The following PTPRN2 variants were observed in gnomAD, a reference collection of about 807,000 sequenced individuals.
The protein encoded by PTPRN2 is receptor-type tyrosine-protein phosphatase N2.
In PTPRN2, 74 loss-of-function variants were observed where a neutral mutation model predicts 118.8. The observed-to-expected ratio is 0.62, with a 90% CI of 0.52 to 0.76. The LOEUF (loss-of-function observed/expected upper bound fraction) is 0.76. PTPRN2 is among the 30% of genes least tolerant of loss of function. PTPRN2 has a pLI of 0.00. For missense variants in PTPRN2, 1,481 were observed against 1,394.4 expected (o/e 1.06, Z -0.99); for synonymous variants, 641 against 608.0 (o/e 1.05, Z -0.80).
At chr7:158,288,195 A>T (rs1048427151) in intron 3 of PTPRN2, among the ~76,000 whole-genome samples, 2 of 152,060 alleles carry the variant, frequency 1.3e-5, no homozygotes, top group African/African-American at 4.8e-5. Context: ...AAGTGAAGGG[A>T]ATCTCTTGTA....
intron 2 of PTPRN2, among the ~76,000 whole-genome samples, chr7:158,327,492 TG>T (rs1803738090): frequency 6.6e-6 from 1 of 151,744 alleles, no homozygotes; most frequent in Non-Finnish European, 1.5e-5. Flanking sequence ...CATTCTCACA[TG>T]CACAAGTTCT....
intron 2 of PTPRN2, among the ~76,000 whole-genome samples, chr7:158,417,286 T>C (rs1197193856): frequency 1.3e-5 from 2 of 151,772 alleles, no homozygotes; most frequent in Non-Finnish European, 2.9e-5. Context: ...ATGCTGAAGC[T>C]TTCAGTGTCC....
intron 11 of PTPRN2, among the ~76,000 whole-genome samples, chr7:157,952,219 C>T (rs1390179947): frequency 2.0e-5 from 3 of 152,180 alleles, no homozygotes; most frequent in African/African-American, 7.2e-5. Context: ...CTAGCCTCGC[C>T]AGACGCGGGC....
intron 15 of PTPRN2, among the ~76,000 whole-genome samples, chr7:157,606,479 G>A (rs1802010026): frequency 6.6e-6 from 1 of 152,378 alleles, no homozygotes; most frequent in Non-Finnish European, 1.5e-5. Context: ...AAATCTGGAA[G>A]CAACAACATC....
In PTPRN2 at chr7:157,615,462, C is replaced by A. The variant is rs545943446; in HGVS notation, c.2344+5900G>T. ...AGGAGGTGTTTAGCCCCGAGCCTCACGTGGAAACATCTGATGAGCCTTTGC... is the reference window on the plus strand; with the variant it reads ...AGGAGGTGTTTAGCCCCGAGCCTCAAGTGGAAACATCTGATGAGCCTTTGC... On this transcript the variant is annotated intron_variant, in intron 15 of 22. Transcript: ENST00000389418. The surrounding 1 kb of genome is among the most constrained non-coding windows in gnomAD (Gnocchi z 4.3). 269 of 471,200 alleles carry A rather than the reference C, an allele frequency of 5.7e-4. 1 individual carries two copies. Among genetic ancestry groups the A allele is most frequent in the African/African-American group, 5.1e-3 (254 of 50,200 alleles). The allele number at this position is 471,200 out of a possible 1,614,324, so 29.2% of individuals were successfully genotyped here.
At chr7:158,568,496 T>G (rs1827793170) in intron 1 of PTPRN2, among the ~76,000 whole-genome samples, 1 of 152,132 alleles carries the variant, frequency 6.6e-6, no homozygotes, top group Non-Finnish European at 1.5e-5. Context: ...ATTTTCTTTT[T>G]TTGAACTACT....
intron 2 of PTPRN2, among the ~76,000 whole-genome samples, chr7:158,372,095 C>T (rs1810042972): frequency 6.6e-6 from 1 of 152,202 alleles, no homozygotes; most frequent in Non-Finnish European, 1.5e-5. Context: ...CTGAGCACTG[C>T]AGGCACAGAG....
chr7:158,299,169 A>C (rs892548863), intron 3 of PTPRN2, among the ~76,000 whole-genome samples: 8 of 152,188 alleles, frequency 5.3e-5, no homozygotes, highest in African/African-American at 1.9e-4. Flanking sequence ...CCCACCCAAG[A>C]CTGGCATATT....
At chr7:157,841,030 G>A (rs577105518) in intron 12 of PTPRN2, among the ~76,000 whole-genome samples, 1 of 152,382 alleles carries the variant, frequency 6.6e-6, no homozygotes, top group South Asian at 2.1e-4. Flanking sequence ...TGGCCTGGGA[G>A]CTCTGCAGTG....
chr7:158,419,520 A>G (rs1270643718), intron 2 of PTPRN2, among the ~76,000 whole-genome samples: 1 of 152,000 alleles, frequency 6.6e-6, no homozygotes, highest in East Asian at 1.9e-4. Flanking sequence ...ACCCTTCCAC[A>G]TGGGAAGGCA....
At chr7:157,699,490 G>C (rs952986385) in intron 12 of PTPRN2, among the ~76,000 whole-genome samples, 1 of 152,176 alleles carries the variant, frequency 6.6e-6, no homozygotes, top group Non-Finnish European at 1.5e-5. Context: ...CTGGAGTGCA[G>C]TGGCGTGATC....
intron 12 of PTPRN2, among the ~76,000 whole-genome samples, chr7:157,696,344 C>T (rs1797774775): frequency 8.1e-6 from 1 of 124,146 alleles, no homozygotes; most frequent in Admixed American, 7.9e-5. Flanking sequence ...GAGCCCTCAC[C>T]ATCTACTCAT....
chr7:158,038,941 T>G (rs1235325819), intron 11 of PTPRN2, among the ~76,000 whole-genome samples: 3 of 152,162 alleles, frequency 2.0e-5, no homozygotes, highest in African/African-American at 7.2e-5. Context: ...AGAAAGCTGC[T>G]CCACCTTATT....
intron 13 of PTPRN2, among the ~76,000 whole-genome samples, chr7:157,658,009 C>T (rs1291900792): frequency 6.6e-6 from 1 of 151,682 alleles, no homozygotes; most frequent in African/African-American, 2.4e-5. Flanking sequence ...ACACCACACA[C>T]ACATACACAC....
intron 19 of PTPRN2, among the ~76,000 whole-genome samples, chr7:157,575,090 G>C (rs748592159): frequency 1.3e-5 from 2 of 152,200 alleles, no homozygotes; most frequent in African/African-American, 4.8e-5. Flanking sequence ...GAGGGTCGGT[G>C]ATGTACATGT....
intron 21 of PTPRN2, among the ~76,000 whole-genome samples, chr7:157,559,402 G>A (rs905314122): frequency 2.0e-5 from 3 of 152,250 alleles, no homozygotes; most frequent in African/African-American, 7.2e-5. Flanking sequence ...GGAAACCCAG[G>A]ATAGGGAGTG....
At chr7:158,579,910 C>T (rs903715412) in intron 1 of PTPRN2, among the ~76,000 whole-genome samples, 22 of 152,242 alleles carry the variant, frequency 1.4e-4, no homozygotes, top group African/African-American at 5.3e-4. Flanking sequence ...GGCTGTGCTT[C>T]CCACAGCAGC....
intron 3 of PTPRN2, among the ~76,000 whole-genome samples, chr7:158,246,476 G>A (rs919968645): frequency 2.0e-5 from 3 of 150,926 alleles, no homozygotes; most frequent in South Asian, 2.2e-4. Context: ...AGTCCCACAC[G>A]GGAGAAGGAG....
At chr7:157,819,136 C>T (rs192627287) in intron 12 of PTPRN2, among the ~76,000 whole-genome samples, 2 of 152,282 alleles carry the variant, frequency 1.3e-5, no homozygotes, top group African/African-American at 2.4e-5. Context: ...CCACAGTGGC[C>T]CACCTGCACC....
Sources: allele counts gnomAD v4.1 joint callset (sites outside exome capture counted in the v4.1 genomes callset), GRCh38; gene constraint gnomAD v4.1.1; non-coding constraint Gnocchi (gnomAD v3.1); transcripts MANE v1.5; gene names NCBI Gene and HGNC (gene_info 2026-07-23, HGNC 2026-07-21).